The following TIMD4 variants were observed in gnomAD, a reference collection of about 807,000 sequenced individuals.
TIMD4 encodes the protein T-cell immunoglobulin and mucin domain-containing protein 4.
A neutral mutation model predicts 41.2 loss-of-function variants in TIMD4; 31 were observed. That is an observed-to-expected ratio of 0.75 (90% confidence interval 0.57 to 1.01). The LOEUF is 1.01. TIMD4 is among the 50% of genes least tolerant of loss of function. The probability of loss-of-function intolerance (pLI) is 0.00; values close to 1 mark genes in which losing one functional copy is unlikely to be tolerated. For synonymous variants in TIMD4, 204 were observed against 177.1 expected (o/e 1.15, Z -1.21); for missense variants, 479 against 472.5 (o/e 1.01, Z -0.13).
chr5:156,947,160 T>G (rs1367003946), intron 5 of TIMD4, among the ~76,000 whole-genome samples: 1 of 151,520 alleles, frequency 6.6e-6, no homozygotes, highest in Non-Finnish European at 1.5e-5. Context: ...ATCGCACCAC[T>G]GCACTCCAAC....
rs550683288 is a variant in TIMD4 at position 156,933,407 on chromosome 5, C to T, written c.845-7095G>A. Among the ~76,000 whole-genome samples the T allele has an allele frequency of 1.2e-4, 19 of 152,144 alleles. No homozygotes were observed. The South Asian group carries it at 3.9e-3, about 32-fold the overall frequency. ...CATTCTAGGCTGCAGTGAGCTATGA[C>T]TGGTTCACTGCACTACAGCTTGGGC... On this transcript the variant is annotated intron_variant, in intron 5 of 8. Transcript: ENST00000274532.
intron 1 of TIMD4, among the ~76,000 whole-genome samples, chr5:156,956,317 A>G (rs945295019): frequency 6.6e-6 from 1 of 152,184 alleles, no homozygotes; most frequent in Admixed American, 6.5e-5. Context: ...ATTATCTAAA[A>G]TGGCAGCTGT....
intron 6 of TIMD4, chr5:156,924,098 A>C: frequency 8.6e-6 from 2 of 233,518 alleles, no homozygotes; most frequent in South Asian, 1.1e-4. Flanking sequence ...AGACCTTGTG[A>C]AAGTCCCCAC....
chr5:156,922,271 CA>C, intron 6 of TIMD4, 55 bp from the exon 7 acceptor site: 1 of 1,325,272 alleles, frequency 7.5e-7, no homozygotes, highest in Non-Finnish European at 1.1e-6. Flanking sequence ...GCCACCCTCA[CA>C]AGATGACATC....
intron 5 of TIMD4, among the ~76,000 whole-genome samples, chr5:156,939,855 C>G (rs1349879519): frequency 2.0e-5 from 3 of 152,198 alleles, no homozygotes; most frequent in African/African-American, 7.2e-5. Flanking sequence ...GAGACTCCAG[C>G]CTTACTCCCA....
At chr5:156,943,757 T>C (rs1245199929) in intron 5 of TIMD4, among the ~76,000 whole-genome samples, 1 of 151,826 alleles carries the variant, frequency 6.6e-6, no homozygotes, top group South Asian at 2.1e-4. Flanking sequence ...AAGCAAGAAA[T>C]AAAATTAATC....
chr5:156,944,818 G>A (rs1268868639), intron 5 of TIMD4, among the ~76,000 whole-genome samples: 1 of 151,880 alleles, frequency 6.6e-6, no homozygotes, highest in Non-Finnish European at 1.5e-5. Context: ...CAAAGTGCTG[G>A]GATTACAGGC....
rs1359079881 is a variant in TIMD4 at position 156,922,158 on chromosome 5, A to G, written c.953T>C (p.Ile318Thr). 6.2e-7 allele frequency: 1 copy of G among 1,614,098 alleles called. No homozygotes were observed. The highest frequency in any genetic ancestry group is 1.7e-5 in the Admixed American group (1 of 59,990). ...NEMPISQLLMIIAPSLGFVLF... is the reference protein window; with the variant it reads ...NEMPISQLLMTIAPSLGFVLF... ...CACAAATCCCAAGGAGGGGGCGATG[A>G]TCATCAGTAGTTGGGAGATGGGCAT... is the stretch of plus-strand genomic sequence containing the variant. Residue 318 changes from isoleucine (I) to threonine (T), a missense_variant, in exon 7 of 9, where the codon ATC becomes ACC. Ile to Thr is a moderately conservative substitution (Grantham distance 89). Coordinates refer to ENST00000274532, the MANE Select transcript of TIMD4 (RefSeq NM_138379.3).
At chr5:156,920,665 A>G (rs544271913) in intron 7 of TIMD4, among the ~76,000 whole-genome samples, 162 bp from the exon 8 acceptor site, 29 of 152,352 alleles carry the variant, frequency 1.9e-4, no homozygotes, top group African/African-American at 6.7e-4. Flanking sequence ...TCCCAGGTCA[A>G]ACACTTGCTA....
chr5:156,928,246 C>T (rs115687213), intron 5 of TIMD4, among the ~76,000 whole-genome samples: 1 of 151,604 alleles, frequency 6.6e-6, no homozygotes, highest in Non-Finnish European at 1.5e-5. Flanking sequence ...TGCAGTGAGC[C>T]GAGATTGCCC....
intron 4 of TIMD4, among the ~76,000 whole-genome samples, chr5:156,949,161 C>T (rs769090439): frequency 4.6e-5 from 7 of 152,072 alleles, no homozygotes; most frequent in African/African-American, 1.7e-4. Flanking sequence ...CCAGTAACTA[C>T]CTAAAGAAGT....
intron 2 of TIMD4, 103 bp downstream of exon 2, chr5:156,954,312 C>T: frequency 1.8e-6 from 2 of 1,112,600 alleles, no homozygotes; most frequent in South Asian, 1.6e-5. Context: ...TTCCCACTCA[C>T]TGTGAAAGCA....
In TIMD4 at chr5:156,951,680, CTGT is replaced by C; in HGVS notation, c.508_510del (p.Thr170del). The C allele has an allele frequency of 6.2e-7, 1 of 1,614,002 alleles. No individual in the cohort carries two copies. The highest frequency in any genetic ancestry group is 8.5e-7 in the Non-Finnish European group (1 of 1,179,994). Reference sequence around the variant, plus strand: ...GTTGTGAGATCGGGTGTGGTCACGACTGTTGTTGGAAGTGCAGCTGGGGTTGTT... The same window carrying C: ...GTTGTGAGATCGGGTGTGGTCACGACTGTTGGAAGTGCAGCTGGGGTTGTT... On this transcript the variant is annotated inframe_deletion, in exon 3 of 9. Coordinates refer to ENST00000274532, the MANE Select transcript of TIMD4 (RefSeq NM_138379.3).
At chr5:156,927,210 T>C (rs1335147086) in intron 5 of TIMD4, among the ~76,000 whole-genome samples, 1 of 152,234 alleles carries the variant, frequency 6.6e-6, no homozygotes, top group Non-Finnish European at 1.5e-5. Context: ...TGTCTGCTTG[T>C]TCACTACTGA....
chr5:156,954,803 T>C (rs889118554), intron 1 of TIMD4, 47 bp from the exon 2 acceptor site: 5 of 1,469,716 alleles, frequency 3.4e-6, no homozygotes, highest in Non-Finnish European at 4.6e-6. Flanking sequence ...CTGAAATCTC[T>C]CAAACATGCT....
intron 5 of TIMD4, among the ~76,000 whole-genome samples, chr5:156,926,825 T>C (rs145414866): frequency 1.2e-4 from 18 of 152,330 alleles, no homozygotes; most frequent in African/African-American, 4.1e-4. Flanking sequence ...ATAAGGGACA[T>C]ATCATGAGGA....
Position 156,928,460 on chromosome 5 carries a change from G to A in TIMD4, c.845-2148C>T, listed in dbSNP as rs1357500902. Among the ~76,000 whole-genome samples, 3 of 152,130 alleles carry A rather than the reference G, an allele frequency of 2.0e-5. 1 individual carries two copies. Among genetic ancestry groups the A allele is most frequent in the South Asian group, 4.2e-4 (2 of 4,818 alleles). Reference sequence around the variant, plus strand: ...GAAAGTAAGAGCAGTATCAGAAGCCGGGGCAAGGAAGAAAACATCCAGGAG... The same window carrying A: ...GAAAGTAAGAGCAGTATCAGAAGCCAGGGCAAGGAAGAAAACATCCAGGAG... On this transcript the variant is annotated intron_variant, in intron 5 of 8. Coordinates refer to ENST00000274532, the MANE Select transcript of TIMD4 (RefSeq NM_138379.3).
At chr5:156,960,692 C>A (rs918757877) in intron 1 of TIMD4, among the ~76,000 whole-genome samples, 1 of 152,184 alleles carries the variant, frequency 6.6e-6, no homozygotes, top group Non-Finnish European at 1.5e-5. Flanking sequence ...TAGGCATGAG[C>A]CACCACCCCT....
In TIMD4 at chr5:156,951,604, G is replaced by A. The variant is rs778307540; in HGVS notation, c.587C>T (p.Thr196Met). The change falls in exon 3 of 9, where the codon ACG (threonine) becomes ATG (methionine). Residue 196 changes from threonine to methionine, a missense_variant. Coordinates refer to ENST00000274532, the MANE Select transcript of TIMD4 (RefSeq NM_138379.3). ...TTIAVFTTANTCLSLTPSTLP... is the reference protein window; with the variant it reads ...TTIAVFTTANMCLSLTPSTLP... The stretch of plus-strand genomic sequence containing the variant: ...GGTGCTTGGGGTTAGTGAAAGGCAC[G>A]TGTTTGCTGTTGTGAAGACGGCAAT... 2.3e-5 allele frequency: 37 copies of A among 1,614,046 alleles called. No individual in the cohort carries two copies. The Admixed American group carries it at 3.8e-4, about 17-fold the overall frequency.
Sources: gnomAD v4.1 joint callset for allele counts (sites outside exome capture counted in the v4.1 genomes callset) on GRCh38, gnomAD v4.1.1 for gene constraint, MANE v1.5 for transcripts, NCBI Gene and HGNC (gene_info 2026-07-23, HGNC 2026-07-21) for gene names.